The following KLHL6 variants were observed in gnomAD, a reference collection of about 807,000 sequenced individuals.
KLHL6 encodes the protein kelch like family member 6, also known as kelch-like protein 6.
KLHL6 carries 41 observed loss-of-function variants against 58.6 expected under a neutral mutation model. The observed-to-expected ratio is 0.70, with a 90% CI of 0.55 to 0.91. The LOEUF (loss-of-function observed/expected upper bound fraction) is 0.91, where lower values mean the gene tolerates loss of function less well. Ranked by LOEUF, KLHL6 falls within the 40% of genes least tolerant of loss-of-function variation. The pLI, the probability that KLHL6 is intolerant of heterozygous loss-of-function variation, is 0.00. For missense variants in KLHL6, 714 were observed against 805.6 expected, an observed-to-expected ratio of 0.89 and a Z score of 1.38; for synonymous variants, 338 against 322.7, an observed-to-expected ratio of 1.05 and a Z score of -0.51.
At position 183,508,444 on chromosome 3, in the gene KLHL6, A is replaced by G; in HGVS notation, c.524T>C (p.Val175Ala). The change falls in exon 3 of 7, where the codon GTT (valine) becomes GCT (alanine). Residue 175 changes from valine to alanine, a missense_variant. Transcript: ENST00000341319. ...LTEALNPENC[V>A]GILRLADTHS... ...TGTGTCAGCCAGCCTCAGTATTCCA[A>G]CGCAGTTTTCTGGGTTCAAGGCTTC... The G allele has an allele frequency of 6.2e-7, 1 of 1,614,174 alleles. No individual in the cohort carries two copies. The highest frequency in any genetic ancestry group is 8.5e-7 in the Non-Finnish European group (1 of 1,180,028).
At position 183,492,068 on chromosome 3, in the gene KLHL6, C is replaced by A; in HGVS notation, c.1725G>T (p.Thr575=). Reference sequence around the variant, plus strand: ...GGGCCTCGGGGTCCCAGCACAGCACCGTGGCGATAACCTCGTTCTTCTCGT... The same window carrying A: ...GGGCCTCGGGGTCCCAGCACAGCACAGTGGCGATAACCTCGTTCTTCTCGT... The part of the protein sequence containing the change: ...GRDEKNEVIA[T]VLCWDPEAQK... The change falls in exon 7 of 7, where the codon ACG becomes ACT. Residue 575 remains threonine, a synonymous_variant. Transcript: ENST00000341319. This position sits in a 1 kb window ranked among gnomAD's most constrained non-coding sequence, Gnocchi z 5.9. The A allele has an allele frequency of 6.2e-7, 1 of 1,614,020 alleles. No homozygotes were observed. The highest frequency in any genetic ancestry group is 8.5e-7 in the Non-Finnish European group (1 of 1,179,998).
intron 1 of KLHL6, among the ~76,000 whole-genome samples, chr3:183,533,952 GC>G (rs1712240423): frequency 6.6e-6 from 1 of 151,522 alleles, no homozygotes; most frequent in African/African-American, 2.4e-5. Flanking sequence ...AGAAATCCCC[GC>G]CCAGAGCTGG....
chr3:183,551,601 C>T (rs2108701499), intron 1 of KLHL6, among the ~76,000 whole-genome samples: 1 of 152,166 alleles, frequency 6.6e-6, no homozygotes, highest in East Asian at 1.9e-4. Flanking sequence ...TGAAAGATTA[C>T]AGGGAAGGAA....
rs1440594742 is a variant in KLHL6, at chr3:183,488,360, C to G, written c.*3567G>C. 6.6e-6 allele frequency: 1 copy of G among 152,236 alleles called. No homozygotes were observed. Among genetic ancestry groups the G allele is most frequent in the Non-Finnish European group, 1.5e-5 (1 of 68,052 alleles). 9.4% of individuals were successfully genotyped at this position (152,236 alleles called of 1,614,324 possible). ...TGCCTCTGCTCTAAGAAGGGGATTC[C>G]TTCCTTAGTTCCTTGCCTAGAATAC... On this transcript the variant is annotated 3_prime_UTR_variant, in exon 7 of 7. Transcript: ENST00000341319.
In KLHL6 at chr3:183,491,646, G is replaced by T; in HGVS notation, c.*281C>A. The T allele has an allele frequency of 3.0e-6, 1 of 335,448 alleles. No homozygotes were observed. 20.8% of individuals were successfully genotyped at this position (335,448 alleles called of 1,614,324 possible). A position where few individuals can be genotyped will look rare whatever the true frequency, so the allele number is the denominator to read the frequency against. On this transcript the variant is annotated 3_prime_UTR_variant, in exon 7 of 7. Transcript: ENST00000341319. ...ACCAGGTTAAATGAACCGATAAAAGGAAGTGCCTGGCACAGAAGCCGGCAT... is the reference window on the plus strand; with the variant it reads ...ACCAGGTTAAATGAACCGATAAAAGTAAGTGCCTGGCACAGAAGCCGGCAT...
Position 183,555,370 on chromosome 3 carries a change from T to C in KLHL6, c.284A>G (p.Asn95Ser). The C allele has an allele frequency of 6.2e-7, 1 of 1,613,920 alleles. No individual in the cohort carries two copies. Among genetic ancestry groups the C allele is most frequent in the Non-Finnish European group, 8.5e-7 (1 of 1,179,868 alleles). ...CHRVVLAAAS[N>S]YFRAMFCNDL... Reference sequence around the variant, plus strand: ...TCCTAGGCATGCTGACCTGAAATAGTTGCTGGCTGCGGCAAGCACCACGCG... The same window carrying C: ...TCCTAGGCATGCTGACCTGAAATAGCTGCTGGCTGCGGCAAGCACCACGCG... Residue 95 changes from asparagine to serine, a missense_variant, in exon 1 of 7, where the codon AAC (asparagine) becomes AGC (serine). Physicochemically the swap from Asn to Ser is conservative, Grantham distance 46. Transcript: ENST00000341319.
intron 1 of KLHL6, among the ~76,000 whole-genome samples, chr3:183,542,587 C>T (rs1023788451): frequency 3.9e-5 from 6 of 152,106 alleles, no homozygotes; most frequent in East Asian, 1.9e-4. Context: ...CTCTTTCTTC[C>T]GTCTGATTTA....
At chr3:183,503,652 G>T (rs1577179875) in intron 3 of KLHL6, among the ~76,000 whole-genome samples, 1 of 152,176 alleles carries the variant, frequency 6.6e-6, no homozygotes, top group East Asian at 1.9e-4. Context: ...GGTGGCACAT[G>T]CCTGTAATCC....
chr3:183,552,657 G>C (rs1712968989), intron 1 of KLHL6, among the ~76,000 whole-genome samples: 1 of 145,930 alleles, frequency 6.9e-6, no homozygotes, highest in Non-Finnish European at 1.5e-5. Context: ...GGCGGAGTTT[G>C]CAGTGAGCAG....
At chr3:183,550,930 C>A (rs766315468) in intron 1 of KLHL6, among the ~76,000 whole-genome samples, 27 of 152,032 alleles carry the variant, frequency 1.8e-4, no homozygotes, top group Non-Finnish European at 3.8e-4. Flanking sequence ...ACTATCCTGG[C>A]TAACATGGTG....
At chr3:183,508,948 A>G (rs1718102701) in intron 2 of KLHL6, among the ~76,000 whole-genome samples, 1 of 152,242 alleles carries the variant, frequency 6.6e-6, no homozygotes, top group East Asian at 1.9e-4. Context: ...GGATCTGATT[A>G]AGCCTCTACA....
chr3:183,518,516 T>A (rs1711631933), intron 2 of KLHL6, among the ~76,000 whole-genome samples: 1 of 152,128 alleles, frequency 6.6e-6, no homozygotes. Context: ...AAAGTCAGAA[T>A]CTGGTAGCGA....
At chr3:183,536,097 G>C (rs1712356022) in intron 1 of KLHL6, among the ~76,000 whole-genome samples, 2 of 152,132 alleles carry the variant, frequency 1.3e-5, no homozygotes, top group Non-Finnish European at 2.9e-5. Flanking sequence ...TGGAATCACA[G>C]TCACTTAATA....
chr3:183,543,035 G>A (rs1016058872), intron 1 of KLHL6, among the ~76,000 whole-genome samples: 1 of 152,220 alleles, frequency 6.6e-6, no homozygotes, highest in African/African-American at 2.4e-5. Context: ...GCTCAAGCCT[G>A]TAATCCCAGC....
intron 1 of KLHL6, 21 bp downstream of exon 1, chr3:183,555,333 ATTTGACT>A (rs761724173): frequency 1.2e-6 from 2 of 1,605,412 alleles, no homozygotes; most frequent in Non-Finnish European, 1.7e-6. Flanking sequence ...CTTGCACCCA[ATTTGACT>A]CTGGTCCTAG....
intron 2 of KLHL6, among the ~76,000 whole-genome samples, chr3:183,518,838 T>A (rs542748200): frequency 6.6e-6 from 1 of 152,206 alleles, no homozygotes; most frequent in South Asian, 2.1e-4. Context: ...AGAGTCAGCT[T>A]TTCCCACCCT....
intron 2 of KLHL6, among the ~76,000 whole-genome samples, chr3:183,524,443 G>A (rs1490201908): frequency 6.6e-6 from 1 of 152,200 alleles, no homozygotes; most frequent in Non-Finnish European, 1.5e-5. Flanking sequence ...ACGGCCAGAT[G>A]ATTGCAAAGT....
chr3:183,522,849 C>T (rs544338227), intron 2 of KLHL6: 3 of 152,368 alleles, frequency 2.0e-5, no homozygotes, highest in African/African-American at 7.2e-5. Flanking sequence ...TGGAGTCTCA[C>T]TCTGTCACGA....
intron 1 of KLHL6, among the ~76,000 whole-genome samples, chr3:183,528,796 T>C (rs1712062844): frequency 6.6e-6 from 1 of 152,210 alleles, no homozygotes; most frequent in Admixed American, 6.5e-5. Context: ...AAGTTTATTG[T>C]AAGGATTAGG....
Sources: allele counts gnomAD v4.1 joint callset (sites outside exome capture counted in the v4.1 genomes callset), GRCh38; gene constraint gnomAD v4.1.1; non-coding constraint Gnocchi (gnomAD v3.1); transcripts MANE v1.5; gene names NCBI Gene and HGNC (gene_info 2026-07-23, HGNC 2026-07-21).